Variants in PRKCE observed in about 807,000 individuals in gnomAD.
PRKCE encodes protein kinase C epsilon, also known as protein kinase C epsilon type.
PRKCE carries 16 observed loss-of-function variants against 85.4 expected under a neutral mutation model. The ratio of observed to expected loss-of-function variants is 0.19; its 90% CI spans 0.13 to 0.28. The LOEUF (loss-of-function observed/expected upper bound fraction) is 0.28, where lower values mean the gene tolerates loss of function less well. PRKCE is among the 10% of genes least tolerant of loss of function. The probability of loss-of-function intolerance (pLI) is 1.00; values close to 1 mark genes in which losing one functional copy is unlikely to be tolerated. For missense variants in PRKCE, 573 were observed against 975.2 expected (o/e 0.59, Z 5.49); for synonymous variants, 388 against 371.5 (o/e 1.04, Z -0.51).
chr2:46,078,829 G>A (rs561562867), intron 10 of PRKCE: 1 of 152,274 alleles, frequency 6.6e-6, no homozygotes, highest in Non-Finnish European at 1.5e-5. Context: ...AGCTTTATCT[G>A]AAACAAATTC....
intron 1 of PRKCE, among the ~76,000 whole-genome samples, chr2:45,714,462 G>C (rs906417188): frequency 2.0e-5 from 3 of 152,256 alleles, no homozygotes; most frequent in Non-Finnish European, 4.4e-5. Flanking sequence ...AAAAGAACTT[G>C]ATGTGCTCAA....
At chr2:45,713,164 AT>A (rs567859668) in intron 1 of PRKCE, among the ~76,000 whole-genome samples, 1 of 152,228 alleles carries the variant, frequency 6.6e-6, no homozygotes, top group African/African-American at 2.4e-5. Flanking sequence ...CGAGGCTCTT[AT>A]AAAGGTGAAG....
intron 1 of PRKCE, among the ~76,000 whole-genome samples, chr2:45,814,701 A>G (rs1454418083): frequency 6.6e-6 from 1 of 152,208 alleles, no homozygotes. Flanking sequence ...TTTAGACCTC[A>G]GGCACATTCA....
intron 11 of PRKCE, among the ~76,000 whole-genome samples, chr2:46,136,283 A>G (rs1046036725): frequency 6.6e-6 from 1 of 152,206 alleles, no homozygotes; most frequent in Non-Finnish European, 1.5e-5. Context: ...CAAGTCAAGC[A>G]TAAAAGAATT....
At chr2:45,741,803 C>G (rs183166430) in intron 1 of PRKCE, among the ~76,000 whole-genome samples, 116 of 152,312 alleles carry the variant, frequency 7.6e-4, no homozygotes, top group African/African-American at 2.6e-3. Flanking sequence ...CAGAGAAGCT[C>G]AACAGGTCTT....
Position 45,903,887 on chromosome 2 carries a change from T to TTTG in PRKCE, c.412+60826_412+60827insGTT, listed in dbSNP as rs1553445443. Among the ~76,000 whole-genome samples, 73 of 102,682 alleles carry TTTG rather than the reference T, an allele frequency of 7.1e-4. 2 individuals are homozygous for TTTG. The highest frequency in any genetic ancestry group is 4.9e-3 in the Middle Eastern group (1 of 204). The allele number at this position is 102,682 out of a possible 152,430, so 67.4% of individuals were successfully genotyped here. On this transcript the variant is annotated intron_variant, in intron 2 of 14. Coordinates refer to ENST00000306156, the MANE Select transcript of PRKCE (RefSeq NM_005400.3). ...GAGAGCTTGTAGCCTGGCAGTTTTT[T>TTTG]TTTGTTTGTTTGTTTGTTTGTTTGT...
chr2:45,877,750 GT>G (rs34362427), intron 2 of PRKCE, among the ~76,000 whole-genome samples: 74,402 of 152,004 alleles, frequency 0.49, 21,234 homozygotes, highest in East Asian at 0.97. Context: ...CTTGCTCATG[GT>G]TCCCTTTGAA....
intron 1 of PRKCE, among the ~76,000 whole-genome samples, chr2:45,783,893 A>T (rs1051400515): frequency 6.6e-6 from 1 of 152,186 alleles, no homozygotes; most frequent in Non-Finnish European, 1.5e-5. Context: ...GAAAGCATAG[A>T]TCTGTCTGAA....
chr2:46,061,223 C>T (rs1478028023), intron 10 of PRKCE, among the ~76,000 whole-genome samples: 1 of 150,832 alleles, frequency 6.6e-6, no homozygotes, highest in African/African-American at 2.4e-5. Context: ...GATTCACCCA[C>T]CTCAGCCCCC....
intron 11 of PRKCE, among the ~76,000 whole-genome samples, chr2:46,116,606 GATTTGGTCTGTGTAGCCTTC>G (rs1217830946): frequency 7.9e-5 from 12 of 152,262 alleles, no homozygotes; most frequent in African/African-American, 2.9e-4. Flanking sequence ...GGATTGATGG[GATTTGGTCTGTGTAGCCTTC>G]ATTTGCTTGT....
intron 9 of PRKCE, 56 bp from the exon 10 acceptor site, chr2:46,010,288 T>C: frequency 6.7e-7 from 1 of 1,496,366 alleles, no homozygotes; most frequent in Non-Finnish European, 8.9e-7. Context: ...TAGCTTACAC[T>C]TCTTCTTTTT....
intron 11 of PRKCE, among the ~76,000 whole-genome samples, chr2:46,126,535 A>G (rs536888695): frequency 7.2e-5 from 11 of 152,184 alleles, no homozygotes; most frequent in Non-Finnish European, 1.5e-4. Context: ...GACAGAGGAA[A>G]CAGTTCATGC....
intron 1 of PRKCE, among the ~76,000 whole-genome samples, chr2:45,794,851 C>T (rs936272072): frequency 6.6e-6 from 1 of 151,362 alleles, no homozygotes; most frequent in East Asian, 1.9e-4. Flanking sequence ...CCCTACCCCC[C>T]CCCCCATCCA....
chr2:45,775,194 C>T (rs1558657916), intron 1 of PRKCE, among the ~76,000 whole-genome samples: 1 of 152,188 alleles, frequency 6.6e-6, no homozygotes, highest in Non-Finnish European at 1.5e-5. Context: ...AACTAAGGCT[C>T]TTGGACTTTA....
At chr2:45,674,327 C>T (rs115655736) in intron 1 of PRKCE, among the ~76,000 whole-genome samples, 37 of 152,254 alleles carry the variant, frequency 2.4e-4, no homozygotes, top group Non-Finnish European at 3.5e-4. Context: ...TAGAAGAGTG[C>T]TGTGGAGGAG....
intron 11 of PRKCE, among the ~76,000 whole-genome samples, chr2:46,141,636 A>C (rs1305717117): frequency 6.6e-6 from 1 of 152,234 alleles, no homozygotes. Context: ...AGTATAGGCT[A>C]GTCACATTGG....
intron 10 of PRKCE, among the ~76,000 whole-genome samples, chr2:46,033,558 G>A (rs1707673549): frequency 6.6e-6 from 1 of 152,186 alleles, no homozygotes; most frequent in African/African-American, 2.4e-5. Flanking sequence ...GTGGTTATTG[G>A]CCACGCTTTG....
At chr2:46,161,161 C>T (rs1274984718) in intron 14 of PRKCE, among the ~76,000 whole-genome samples, 2 of 152,236 alleles carry the variant, frequency 1.3e-5, no homozygotes, top group Non-Finnish European at 2.9e-5. Context: ...TCCCCTGCTG[C>T]CACAGGGCTC....
intron 11 of PRKCE, among the ~76,000 whole-genome samples, chr2:46,128,736 G>A (rs1156250955): frequency 6.6e-6 from 1 of 152,140 alleles, no homozygotes; most frequent in Non-Finnish European, 1.5e-5. Context: ...AAATAAGGTT[G>A]ATAAGCCAAT....
Sources: gnomAD v4.1 joint callset for allele counts (sites outside exome capture counted in the v4.1 genomes callset) on GRCh38, gnomAD v4.1.1 for gene constraint, MANE v1.5 for transcripts, NCBI Gene and HGNC (gene_info 2026-07-23, HGNC 2026-07-21) for gene names.